CDC42SE2: variants seen among roughly 807,000 people sequenced by gnomAD.
CDC42SE2 encodes CDC42 small effector protein 2.
A neutral mutation model predicts 11.5 loss-of-function variants in CDC42SE2; 3 were observed. That is an observed-to-expected ratio of 0.26 (90% CI 0.12 to 0.67). The LOEUF is 0.67. CDC42SE2 is among the 30% of genes least tolerant of loss of function. The probability of loss-of-function intolerance (pLI) is 0.80; values close to 1 mark genes in which losing one functional copy is unlikely to be tolerated. For missense variants in CDC42SE2, 82 were observed against 106.8 expected (o/e 0.77, Z 1.02); for synonymous variants, 33 against 34.8 (o/e 0.95, Z 0.18).
intron 1 of CDC42SE2, among the ~76,000 whole-genome samples, chr5:131,312,512 G>T (rs978322771): frequency 3.9e-5 from 6 of 152,184 alleles, no homozygotes; most frequent in Admixed American, 2.0e-4. Flanking sequence ...AGCAAGCCTG[G>T]GCAATGGTGG....
intron 1 of CDC42SE2, among the ~76,000 whole-genome samples, chr5:131,246,946 G>C (rs1756600187): frequency 6.6e-6 from 1 of 151,974 alleles, no homozygotes; most frequent in Non-Finnish European, 1.5e-5. Flanking sequence ...GTTTCTCCAT[G>C]TTGGCCAGTC....
At chr5:131,309,967 G>C (rs1024845184) in intron 1 of CDC42SE2, among the ~76,000 whole-genome samples, 1 of 152,076 alleles carries the variant, frequency 6.6e-6, no homozygotes, top group Non-Finnish European at 1.5e-5. Context: ...TCTGATCTTA[G>C]TTATTTCTTG....
At chr5:131,358,419 CA>C (rs1749615995) in intron 2 of CDC42SE2, among the ~76,000 whole-genome samples, 1 of 152,136 alleles carries the variant, frequency 6.6e-6, no homozygotes, top group Non-Finnish European at 1.5e-5. Flanking sequence ...ATTATTACCT[CA>C]AAACCATCTT....
intron 1 of CDC42SE2, among the ~76,000 whole-genome samples, chr5:131,285,796 G>T (rs914451121): frequency 2.0e-5 from 3 of 152,116 alleles, no homozygotes; most frequent in Admixed American, 2.0e-4. Flanking sequence ...AAACAAACTG[G>T]TAAGTAGTCA....
chr5:131,367,933 AC>A lies in CDC42SE2; in HGVS notation c.54+8389del, dbSNP rs1225632139. 7.9e-5 allele frequency among the ~76,000 whole-genome samples: 12 copies of A among 152,012 alleles called. No individual in the cohort carries two copies. In the South Asian group the frequency reaches 1.2e-3, roughly 16 times the overall value. On this transcript the variant is annotated intron_variant, in intron 3 of 4. Coordinates refer to ENST00000505065, the MANE Select transcript of CDC42SE2 (RefSeq NM_001375635.1). ...ATTATATTTATTTTCCATGTGGGGAACCCTCTGTCCCACAGCGACTTCATAA... is the reference window on the plus strand; with the variant it reads ...ATTATATTTATTTTCCATGTGGGGAACCTCTGTCCCACAGCGACTTCATAA...
intron 1 of CDC42SE2, among the ~76,000 whole-genome samples, chr5:131,297,003 G>A (rs1757582524): frequency 6.6e-6 from 1 of 151,900 alleles, no homozygotes; most frequent in Non-Finnish European, 1.5e-5. Flanking sequence ...CTAAAATTTT[G>A]ATGAAAGTAG....
At chr5:131,221,726 T>C in the CDC42SE2 span, among the ~76,000 whole-genome samples, 1 of 152,226 alleles carries the variant, frequency 6.6e-6, no homozygotes, top group African/African-American at 2.4e-5. Flanking sequence ...ATCTGACTTA[T>C]TTGTTTCATT....
intron 1 of CDC42SE2, among the ~76,000 whole-genome samples, chr5:131,274,769 A>C (rs1345709601): frequency 1.3e-5 from 2 of 152,248 alleles, no homozygotes; most frequent in Middle Eastern, 3.4e-3. Context: ...GACCTCCCTG[A>C]GGTCTTGAAC....
chr5:131,322,153 A>G (rs1364739671), intron 2 of CDC42SE2, among the ~76,000 whole-genome samples: 2 of 152,186 alleles, frequency 1.3e-5, no homozygotes, highest in Non-Finnish European at 2.9e-5. Flanking sequence ...CCTGGCAGAA[A>G]AAAATTTTTT....
At chr5:131,362,111 A>G (rs1218053999) in intron 3 of CDC42SE2, among the ~76,000 whole-genome samples, 1 of 152,114 alleles carries the variant, frequency 6.6e-6, no homozygotes, top group South Asian at 2.1e-4. Context: ...AGCCCTAGCC[A>G]TGGACCTGCC....
chr5:131,326,249 C>T lies in CDC42SE2; in HGVS notation c.-286+10105C>T, dbSNP rs138492425. 5.0e-3 allele frequency among the ~76,000 whole-genome samples: 765 copies of T among 152,132 alleles called. 10 individuals carry two copies. The highest frequency in any genetic ancestry group is 0.017 in the African/African-American group (705 of 41,510). ...CCTCCAGAGTAGCTGGGACTAAGGGCGCCTGCCACTGCGCCTGCTAATTTT... is the reference window on the plus strand; with the variant it reads ...CCTCCAGAGTAGCTGGGACTAAGGGTGCCTGCCACTGCGCCTGCTAATTTT... On this transcript the variant is annotated intron_variant, in intron 2 of 4. Transcript: ENST00000505065.
At chr5:131,219,984 T>C in the CDC42SE2 span, among the ~76,000 whole-genome samples, 2 of 152,258 alleles carry the variant, frequency 1.3e-5, no homozygotes, top group South Asian at 2.1e-4. Flanking sequence ...AACTGTAATA[T>C]AGATATCTTT....
chr5:131,232,195 C>T, the CDC42SE2 span, among the ~76,000 whole-genome samples: 3 of 152,046 alleles, frequency 2.0e-5, no homozygotes, highest in Non-Finnish European at 4.4e-5. Context: ...CTTACTGCAG[C>T]CTTGACTTCC....
chr5:131,262,842 C>T (rs1344632141), upstream of CDC42SE2, among the ~76,000 whole-genome samples: 1 of 151,806 alleles, frequency 6.6e-6, no homozygotes, highest in Non-Finnish European at 1.5e-5. Context: ...TGGTTGAATC[C>T]AGAAACGCAG....
At chr5:131,330,851 CAAAAAA>C (rs912955913) in intron 2 of CDC42SE2, among the ~76,000 whole-genome samples, 1 of 58,154 alleles carries the variant, frequency 1.7e-5, no homozygotes. Context: ...CCTGCCTTTA[CAAAAAA>C]AAAAAAAAAA....
intron 1 of CDC42SE2, among the ~76,000 whole-genome samples, chr5:131,275,755 G>A (rs1426171881): frequency 6.6e-6 from 1 of 151,836 alleles, no homozygotes; most frequent in Admixed American, 6.6e-5. Flanking sequence ...ATGGTATCCT[G>A]TGCATTTTTT....
At chr5:131,374,818 C>G (rs1750106126) in intron 3 of CDC42SE2, among the ~76,000 whole-genome samples, 1 of 151,988 alleles carries the variant, frequency 6.6e-6, no homozygotes. Context: ...CAACAGTGGA[C>G]AAGGAAGACT....
chr5:131,359,692 T>G, intron 3 of CDC42SE2, 145 bp downstream of exon 3: 1 of 695,054 alleles, frequency 1.4e-6, no homozygotes, highest in East Asian at 2.5e-5. Flanking sequence ...ACTCCGAACA[T>G]ATGTTTAAAA....
chr5:131,318,823 A>T (rs138387477), intron 2 of CDC42SE2, among the ~76,000 whole-genome samples: 124 of 152,308 alleles, frequency 8.1e-4, no homozygotes, highest in African/African-American at 2.9e-3. Flanking sequence ...AACTCAAGGG[A>T]CTTAATAAAA....
Sources: allele counts gnomAD v4.1 joint callset (sites outside exome capture counted in the v4.1 genomes callset), GRCh38; gene constraint gnomAD v4.1.1; transcripts MANE v1.5; gene names NCBI Gene and HGNC (gene_info 2026-07-23, HGNC 2026-07-21).